Variants in DNAH7 observed in about 807,000 individuals in gnomAD.
DNAH7 encodes dynein axonemal heavy chain 7.
Under a neutral mutation model 444.6 loss-of-function variants are expected in DNAH7, and 397 were observed. The ratio of observed to expected loss-of-function variants is 0.89; its 90% CI spans 0.82 to 0.97. DNAH7 has a LOEUF of 0.97. DNAH7 is among the 50% of genes least tolerant of loss of function. DNAH7 has a pLI of 0.00. For synonymous variants in DNAH7, 1,636 were observed against 1,624.4 expected, an observed-to-expected ratio of 1.01 and a Z score of -0.17; for missense variants, 4,902 against 4,800.8, an observed-to-expected ratio of 1.02 and a Z score of -0.62.
intron 1 of DNAH7, among the ~76,000 whole-genome samples, chr2:196,064,316 A>AAAATAAATAAATAAAT (rs201123021): frequency 6.0e-5 from 3 of 50,108 alleles, no homozygotes; most frequent in African/African-American, 1.2e-4. Flanking sequence ...ACTCCGTCTC[A>AAAATAAATAAATAAAT]AAATAAATAA....
chr2:195,776,225 C>T (rs924338228), intron 59 of DNAH7, among the ~76,000 whole-genome samples: 4 of 152,094 alleles, frequency 2.6e-5, no homozygotes, highest in African/African-American at 9.7e-5. Context: ...GGGTGGATTA[C>T]CTGAGGTCGG....
intron 8 of DNAH7, among the ~76,000 whole-genome samples, chr2:196,020,300 T>C (rs756203832): frequency 5.9e-5 from 9 of 152,200 alleles, no homozygotes; most frequent in Non-Finnish European, 1.0e-4. Flanking sequence ...ATATGTGGTA[T>C]AGGAGCTCAG....
chr2:195,938,344 T>TCTCACACACA (rs1553569408), intron 19 of DNAH7, among the ~76,000 whole-genome samples: 2 of 134,082 alleles, frequency 1.5e-5, no homozygotes, highest in Non-Finnish European at 3.3e-5. Flanking sequence ...AAATAGACAT[T>TCTCACACACA]CACACACACA....
At chr2:195,897,103 T>C (rs1229761095) in intron 29 of DNAH7, among the ~76,000 whole-genome samples, 1 of 152,162 alleles carries the variant, frequency 6.6e-6, no homozygotes, top group Non-Finnish European at 1.5e-5. Flanking sequence ...TTCTACCTGG[T>C]ATGGAGAAGA....
intron 20 of DNAH7, among the ~76,000 whole-genome samples, chr2:195,935,304 G>A (rs957000064): frequency 6.6e-6 from 1 of 152,108 alleles, no homozygotes; most frequent in South Asian, 2.1e-4. Context: ...TAATACAGAT[G>A]GGACTGACAC....
At position 195,961,094 on chromosome 2, in the gene DNAH7, G is replaced by T. The variant is rs1040456305; in HGVS notation, c.2206-149C>A. 1.8e-5 allele frequency: 10 copies of T among 560,190 alleles called. No individual in the cohort carries two copies. The East Asian group carries it at 2.6e-4, about 14-fold the overall frequency. 34.7% of individuals were successfully genotyped at this position (560,190 alleles called of 1,614,324 possible). On this transcript the variant is annotated intron_variant, in intron 17 of 64. Coordinates refer to ENST00000312428, the MANE Select transcript of DNAH7 (RefSeq NM_018897.3). ...TTCAATAATCTAGAAAAACAGAGCA[G>T]TAATCTCATTTTCCTATTTACTTCT...
chr2:195,799,742 T>C (rs570351239), intron 54 of DNAH7, among the ~76,000 whole-genome samples: 1 of 152,294 alleles, frequency 6.6e-6, no homozygotes, highest in South Asian at 2.1e-4. Flanking sequence ...GTTCAAGGCA[T>C]AGTGGCTGAA....
intron 42 of DNAH7, among the ~76,000 whole-genome samples, chr2:195,860,534 T>C (rs968373945): frequency 2.0e-5 from 3 of 152,078 alleles, no homozygotes; most frequent in East Asian, 1.9e-4. Flanking sequence ...CACAGGGTTG[T>C]AGACCACAGT....
intron 63 of DNAH7, among the ~76,000 whole-genome samples, chr2:195,751,735 T>C (rs1054970012): frequency 6.6e-6 from 1 of 152,180 alleles, no homozygotes; most frequent in South Asian, 2.1e-4. Context: ...GATGAGCTTG[T>C]ACAGGTGGGC....
intron 5 of DNAH7, among the ~76,000 whole-genome samples, chr2:196,034,334 C>G (rs893456654): frequency 2.6e-5 from 4 of 151,982 alleles, no homozygotes; most frequent in Admixed American, 1.3e-4. Flanking sequence ...AAAAGAAGGG[C>G]AAGATTTCTA....
chr2:195,948,726 G>A (rs1286357683), intron 19 of DNAH7, among the ~76,000 whole-genome samples: 1 of 152,188 alleles, frequency 6.6e-6, no homozygotes, highest in Non-Finnish European at 1.5e-5. Context: ...CAGGTAGCGT[G>A]ATGCCTCTTG....
intron 51 of DNAH7, among the ~76,000 whole-genome samples, 185 bp from the exon 52 acceptor site, chr2:195,810,056 A>G (rs1172162342): frequency 6.6e-6 from 1 of 152,002 alleles, no homozygotes; most frequent in African/African-American, 2.4e-5. Flanking sequence ...CTTCAGTCCA[A>G]TTGCATTTTA....
At chr2:195,943,664 C>A (rs768264411) in intron 19 of DNAH7, among the ~76,000 whole-genome samples, 1 of 152,172 alleles carries the variant, frequency 6.6e-6, no homozygotes, top group African/African-American at 2.4e-5. Context: ...ATTCCCACCA[C>A]TGCCATCATG....
chr2:196,061,450 C>T (rs549932867), intron 1 of DNAH7, among the ~76,000 whole-genome samples: 22 of 152,258 alleles, frequency 1.4e-4, no homozygotes, highest in African/African-American at 5.1e-4. Context: ...GATCAATAAA[C>T]TCCCACAAAC....
At chr2:195,878,506 G>T (rs955115032) in intron 36 of DNAH7, among the ~76,000 whole-genome samples, 2 of 151,992 alleles carry the variant, frequency 1.3e-5, no homozygotes, top group Non-Finnish European at 2.9e-5. Context: ...AGGCTGAAGT[G>T]GGGGGATCAC....
chr2:195,787,252 A>G, intron 57 of DNAH7, 81 bp from the exon 58 acceptor site: 1 of 1,413,552 alleles, frequency 7.1e-7, no homozygotes, highest in African/African-American at 1.5e-5. Context: ...AATGAAAGCA[A>G]ATTTCTTTCA....
rs147174450 is a variant in DNAH7 at position 195,977,127 on chromosome 2, T to C, written c.1834-4661A>G. On this transcript the variant is annotated intron_variant, in intron 15 of 64. Transcript: ENST00000312428. ...AGCATCAAGACTGTCCAAGAAAACATAACCTCATCAAACAACCTAAATAAG... is the reference window on the plus strand; with the variant it reads ...AGCATCAAGACTGTCCAAGAAAACACAACCTCATCAAACAACCTAAATAAG... Among the ~76,000 whole-genome samples the C allele has an allele frequency of 6.4e-4, 97 of 152,256 alleles. 1 individual carries two copies. The East Asian group carries it at 0.014, about 21-fold the overall frequency.
chr2:195,853,532 G>A lies in DNAH7; in HGVS notation c.8596-4C>T, dbSNP rs1232888108. 7 of 1,602,484 alleles carry A rather than the reference G, an allele frequency of 4.4e-6. No individual in the cohort carries two copies. Among genetic ancestry groups the A allele is most frequent in the Middle Eastern group, 1.7e-4 (1 of 5,996 alleles). On this transcript the variant is annotated splice_region_variant and splice_polypyrimidine_tract_variant and intron_variant, in intron 45 of 64. Transcript: ENST00000312428. ...GTTTTTTGCTGCAAAGGTCAACCTC[G>A]AAAATAAAAGTGAGCTTTTATCAAC...
At chr2:195,753,061 T>C (rs1378846039) in intron 63 of DNAH7, among the ~76,000 whole-genome samples, 1 of 152,158 alleles carries the variant, frequency 6.6e-6, no homozygotes. Context: ...ACAAGAAGTA[T>C]CTACTAGTAA....
Sources: gnomAD v4.1 joint callset for allele counts (sites outside exome capture counted in the v4.1 genomes callset) on GRCh38, gnomAD v4.1.1 for gene constraint, MANE v1.5 for transcripts, NCBI Gene and HGNC (gene_info 2026-07-23, HGNC 2026-07-21) for gene names.